The following ARHGAP12 variants were observed in gnomAD, a reference collection of about 807,000 sequenced individuals.
ARHGAP12 encodes rho GTPase-activating protein 12.
A neutral mutation model predicts 108.6 loss-of-function variants in ARHGAP12; 64 were observed. The observed-to-expected ratio is 0.59, with a 90% CI of 0.48 to 0.73. ARHGAP12 has a LOEUF of 0.73. ARHGAP12 is among the 30% of genes least tolerant of loss of function. ARHGAP12 has a pLI of 0.00. For missense variants in ARHGAP12, 940 were observed against 1,005.9 expected (o/e 0.93, Z 0.89); for synonymous variants, 312 against 337.2 (o/e 0.93, Z 0.82).
chr10:31,904,627 AATT>A (rs576666929), intron 3 of ARHGAP12, among the ~76,000 whole-genome samples: 4 of 151,942 alleles, frequency 2.6e-5, no homozygotes, highest in African/African-American at 4.8e-5. Flanking sequence ...GACCTGTCCA[AATT>A]ATTATTATTA....
At chr10:31,825,615 G>A (rs1178902114) in intron 11 of ARHGAP12, among the ~76,000 whole-genome samples, 3 of 152,034 alleles carry the variant, frequency 2.0e-5, no homozygotes, top group South Asian at 2.1e-4. Context: ...GGGGAAGGGC[G>A]AAATCAGAGC....
At chr10:31,914,724 A>G (rs1359548548) in intron 1 of ARHGAP12, among the ~76,000 whole-genome samples, 1 of 152,226 alleles carries the variant, frequency 6.6e-6, no homozygotes, top group African/African-American at 2.4e-5. Flanking sequence ...AATGGAAAAC[A>G]ATATGGAAGT....
At chr10:31,874,199 C>T (rs888880590) in intron 3 of ARHGAP12, among the ~76,000 whole-genome samples, 4 of 152,168 alleles carry the variant, frequency 2.6e-5, no homozygotes, top group African/African-American at 9.7e-5. Flanking sequence ...AAAAATTGAT[C>T]CATAGTTTTA....
At chr10:31,861,261 A>G in intron 4 of ARHGAP12, 134 bp downstream of exon 4, 3 of 1,113,042 alleles carry the variant, frequency 2.7e-6, no homozygotes, top group Non-Finnish European at 3.8e-6. Flanking sequence ...GCTTGGAAAG[A>G]ATTTTTAATG....
chr10:31,861,318 CTA>C, intron 4 of ARHGAP12, 75 bp downstream of exon 4: 1 of 1,487,650 alleles, frequency 6.7e-7, no homozygotes, highest in Non-Finnish European at 9.0e-7. Context: ...AGAAACAAAA[CTA>C]TTTACTTCTT....
rs1295051768 is a variant in ARHGAP12 at position 31,817,899 on chromosome 10, G to T, written c.1633-13C>A. The T allele has an allele frequency of 1.3e-6, 2 of 1,596,106 alleles. No homozygotes were observed. Among genetic ancestry groups the T allele is most frequent in the Non-Finnish European group, 1.7e-6 (2 of 1,167,756 alleles). ...GACGAGTTTTCAGCTTTAGAGAAAAGCAGGGAGAAAAAAGAGTATGGTCAG... is the reference window on the plus strand; with the variant it reads ...GACGAGTTTTCAGCTTTAGAGAAAATCAGGGAGAAAAAAGAGTATGGTCAG... On this transcript the variant is annotated splice_polypyrimidine_tract_variant and intron_variant, in intron 12 of 19. Coordinates refer to ENST00000344936, the MANE Select transcript of ARHGAP12 (RefSeq NM_018287.7).
chr10:31,823,562 A>C (rs1463172787), intron 11 of ARHGAP12, among the ~76,000 whole-genome samples: 1 of 152,070 alleles, frequency 6.6e-6, no homozygotes, highest in East Asian at 1.9e-4. Context: ...TCAGCGTTCC[A>C]TTCATGAGTA....
At chr10:31,886,284 T>A (rs1196342632) in intron 3 of ARHGAP12, among the ~76,000 whole-genome samples, 1 of 152,202 alleles carries the variant, frequency 6.6e-6, no homozygotes, top group Non-Finnish European at 1.5e-5. Context: ...ATTTTTTTAA[T>A]GACTCTATCA....
chr10:31,836,768 G>C (rs181904340), intron 9 of ARHGAP12, among the ~76,000 whole-genome samples: 45 of 152,306 alleles, frequency 3.0e-4, no homozygotes, highest in Non-Finnish European at 5.3e-4. Flanking sequence ...TGCAAGCGCA[G>C]AGGAGGAACC....
chr10:31,841,821 C>A, intron 7 of ARHGAP12, among the ~76,000 whole-genome samples: 1 of 152,230 alleles, frequency 6.6e-6, no homozygotes, highest in South Asian at 2.1e-4. Flanking sequence ...TCAGGTTATA[C>A]ACACTTCATC....
intron 1 of ARHGAP12, among the ~76,000 whole-genome samples, chr10:31,919,634 C>CA (rs758037641): frequency 8.0e-5 from 12 of 149,976 alleles, no homozygotes; most frequent in South Asian, 2.1e-4. Flanking sequence ...ACTAAAAATG[C>CA]AAAAAAATTA....
intron 13 of ARHGAP12, among the ~76,000 whole-genome samples, chr10:31,815,301 A>C (rs1835166140): frequency 1.3e-5 from 2 of 152,116 alleles, no homozygotes; most frequent in African/African-American, 4.8e-5. Flanking sequence ...GGTTTAAGGA[A>C]GGGTTCCAGT....
intron 6 of ARHGAP12, among the ~76,000 whole-genome samples, chr10:31,846,899 ATT>A (rs377177944): frequency 3.4e-3 from 290 of 84,606 alleles, no homozygotes; most frequent in African/African-American, 0.012. Flanking sequence ...GGCACTGTTC[ATT>A]TTTTTTTTTT....
At chr10:31,845,596 C>T (rs939053277) in intron 6 of ARHGAP12, among the ~76,000 whole-genome samples, 1 of 151,880 alleles carries the variant, frequency 6.6e-6, no homozygotes, top group Non-Finnish European at 1.5e-5. Flanking sequence ...ACCAGCCTGG[C>T]CAACATGGTA....
intron 6 of ARHGAP12, among the ~76,000 whole-genome samples, chr10:31,846,447 C>T (rs531874298): frequency 6.3e-4 from 96 of 152,218 alleles, no homozygotes; most frequent in African/African-American, 2.3e-3. Context: ...TGAAAATGTC[C>T]TTATATTACT....
chr10:31,911,846 A>T (rs1474052533), intron 1 of ARHGAP12, among the ~76,000 whole-genome samples: 4 of 152,348 alleles, frequency 2.6e-5, no homozygotes, highest in East Asian at 3.9e-4. Flanking sequence ...ACATTCTATT[A>T]GACAACAGAC....
At chr10:31,863,746 A>G in intron 3 of ARHGAP12, among the ~76,000 whole-genome samples, 1 of 152,296 alleles carries the variant, frequency 6.6e-6, no homozygotes. Context: ...AGGAAATCTC[A>G]TATTGTAATT....
intron 9 of ARHGAP12, among the ~76,000 whole-genome samples, chr10:31,835,741 T>C (rs888377865): frequency 3.3e-5 from 5 of 152,332 alleles, no homozygotes; most frequent in East Asian, 1.9e-4. Context: ...ACTTGCACAA[T>C]TGTACCTATA....
intron 3 of ARHGAP12, among the ~76,000 whole-genome samples, chr10:31,866,945 A>G (rs1837349433): frequency 6.6e-6 from 1 of 152,160 alleles, no homozygotes; most frequent in Non-Finnish European, 1.5e-5. Flanking sequence ...CAGGGAATCT[A>G]AAGTTGGATG....
Sources: allele counts gnomAD v4.1 joint callset (sites outside exome capture counted in the v4.1 genomes callset), GRCh38; gene constraint gnomAD v4.1.1; transcripts MANE v1.5; gene names NCBI Gene and HGNC (gene_info 2026-07-23, HGNC 2026-07-21).